Variants in ABCA3 observed in about 807,000 individuals in gnomAD.
ABCA3 encodes phospholipid-transporting ATPase ABCA3.
Under a neutral mutation model 172.8 loss-of-function variants are expected in ABCA3, and 88 were observed. The ratio of observed to expected loss-of-function variants is 0.51; its 90% CI spans 0.43 to 0.61. The LOEUF is 0.61. Ranked by LOEUF, ABCA3 falls within the 20% of genes least tolerant of loss-of-function variation. ABCA3 has a pLI of 0.00. For synonymous variants in ABCA3, 1,066 were observed against 983.8 expected, an observed-to-expected ratio of 1.08 and a Z score of -1.56; for missense variants, 2,164 against 2,301.0, an observed-to-expected ratio of 0.94 and a Z score of 1.22.
chr16:2,293,350 G>A (rs2093674968), intron 18 of ABCA3, among the ~76,000 whole-genome samples: 2 of 149,016 alleles, frequency 1.3e-5, no homozygotes, highest in African/African-American at 4.9e-5. Flanking sequence ...CCAAGCTACC[G>A]TGCCTGGCCA....
Position 2,285,547 on chromosome 16 carries a change from C to T in ABCA3, c.3378G>A (p.Gln1126=). ...SILAVSERAV[Q]AKHVQFVSGV... is the part of the protein sequence containing the mutation. ...CACTCACAAACTGCACATGCTTGGCCTGCACGGCCCTCTCGCTGACCGCCA... is the reference window on the plus strand; with the variant it reads ...CACTCACAAACTGCACATGCTTGGCTTGCACGGCCCTCTCGCTGACCGCCA... The change falls in exon 23 of 33, where the codon CAG becomes CAA. Residue 1126 remains glutamine, a synonymous_variant. Transcript: ENST00000301732. The surrounding 1 kb of genome is among the most constrained non-coding windows in gnomAD (Gnocchi z 4.7). 6.3e-7 allele frequency: 1 copy of T among 1,594,924 alleles called. No individual in the cohort carries two copies. The highest frequency in any genetic ancestry group is 8.5e-7 in the Non-Finnish European group (1 of 1,170,488).
rs1263802134 is a variant in ABCA3, at chr16:2,285,039, G to A, written c.3484-41C>T. 2.5e-6 allele frequency: 4 copies of A among 1,597,964 alleles called. No individual in the cohort carries two copies. In the Admixed American group the frequency reaches 5.2e-5, roughly 21 times the overall value. On this transcript the variant is annotated intron_variant, in intron 23 of 32. Coordinates refer to ENST00000301732, the MANE Select transcript of ABCA3 (RefSeq NM_001089.3). This position sits in a 1 kb window ranked among gnomAD's most constrained non-coding sequence, Gnocchi z 4.7. ...GAGGCGCTGCTGTGCATGCCAAGCT[G>A]AGAGGAGCTCACGGGTAGGGAAGGG...
intron 14 of ABCA3, 96 bp from the exon 15 acceptor site, chr16:2,298,636 T>G (rs2093683998): frequency 6.7e-6 from 10 of 1,481,672 alleles, no homozygotes; most frequent in Non-Finnish European, 9.2e-6. Context: ...CTCCCCTAAT[T>G]TCCTCTGAGG....
chr16:2,327,865 C>A (rs957483970), intron 3 of ABCA3, among the ~76,000 whole-genome samples: 2 of 152,126 alleles, frequency 1.3e-5, no homozygotes, highest in East Asian at 1.9e-4. Context: ...GGATTACAGG[C>A]GCCTGCCACC....
chr16:2,308,546 T>G lies in ABCA3; in HGVS notation c.1189A>C (p.Asn397His). The change falls in exon 11 of 33, where the codon AAC becomes CAC. Residue 397 changes from asparagine (N) to histidine (H), a missense_variant. Physicochemically the swap from Asn to His is moderately conservative, Grantham distance 68. Transcript: ENST00000301732. ...AGCTTCTGGCTCAGAGTCATCCAGT[T>G]GTACCGAGGGGCCACGAAGAAGTAG... ...IPYFFVAPRYNWMTLSQKLCS... is the reference protein window; with the variant it reads ...IPYFFVAPRYHWMTLSQKLCS... The G allele has an allele frequency of 6.2e-7, 1 of 1,614,142 alleles. No homozygotes were observed. Among genetic ancestry groups the G allele is most frequent in the Non-Finnish European group, 8.5e-7 (1 of 1,180,002 alleles).
At chr16:2,316,885 G>C (rs1398719419) in intron 10 of ABCA3, among the ~76,000 whole-genome samples, 3 of 152,314 alleles carry the variant, frequency 2.0e-5, no homozygotes, top group Admixed American at 2.0e-4. Context: ...AGGCACTACA[G>C]AAGGCCAACA....
At position 2,286,777 on chromosome 16, in the gene ABCA3, C is replaced by T. The variant is rs140502726; in HGVS notation, c.3195G>A (p.Leu1065=). ...AVVDNLLFKL[L]CGPHASIVVS... is the part of the protein sequence containing the mutation. Reference sequence around the variant, plus strand: ...CCACAATGGAGGCGTGAGGCCCGCACAGCAGCTTGAACAGAAGGTTGTCCA... The same window carrying T: ...CCACAATGGAGGCGTGAGGCCCGCATAGCAGCTTGAACAGAAGGTTGTCCA... Residue 1065 remains leucine, a synonymous_variant, in exon 22 of 33, where the codon CTG becomes CTA. Transcript: ENST00000301732. This position sits in a 1 kb window ranked among gnomAD's most constrained non-coding sequence, Gnocchi z 5.2. The T allele has an allele frequency of 1.2e-4, 191 of 1,614,124 alleles. 1 individual carries two copies. In the African/African-American group the frequency reaches 2.0e-3, roughly 17 times the overall value.
Position 2,326,075 on chromosome 16 carries a change from G to C in ABCA3, c.254C>G (p.Ser85Cys), listed in dbSNP as rs1327300434. ...GDTWELAYIP[S>C]HSDAAKTVTE... ...GACGGTCTTGGCAGCGTCACTGTGAGAAGGGATGTAGGCAAGCTCCCAGGT... is the reference window on the plus strand; with the variant it reads ...GACGGTCTTGGCAGCGTCACTGTGACAAGGGATGTAGGCAAGCTCCCAGGT... Residue 85 changes from serine (S) to cysteine (C), a missense_variant, in exon 5 of 33, where the codon TCT becomes TGT. This residue lies in a region of ABCA3 where 1,343 missense variants were observed against 1,369.6 expected (regional missense o/e 0.98). Transcript: ENST00000301732. 2 of 1,614,136 alleles carry C rather than the reference G, an allele frequency of 1.2e-6. No individual in the cohort carries two copies. Among genetic ancestry groups the C allele is most frequent in the Non-Finnish European group, 1.7e-6 (2 of 1,180,044 alleles).
In ABCA3 at chr16:2,317,657, G is replaced by A. The variant is rs2141730334; in HGVS notation, c.981C>T (p.Phe327=). Residue 327 remains phenylalanine, a synonymous_variant, in exon 9 of 33, where the codon TTC becomes TTT. Coordinates refer to ENST00000301732, the MANE Select transcript of ABCA3 (RefSeq NM_001089.3). ...LIAASFMTLL[F]CVKVKPNVAV... ...CCGACGCCATGCTCACCTTGACACA[G>A]AAGAGCAGGGTCATGAAGGAGGCGG... The A allele has an allele frequency of 6.2e-7, 1 of 1,614,222 alleles. No homozygotes were observed. The highest frequency in any genetic ancestry group is 8.5e-7 in the Non-Finnish European group (1 of 1,180,020).
intron 1 of ABCA3, 89 bp downstream of exon 1, chr16:2,340,467 GGGCCCGAGGCCCGAGCT>G (rs2093759144): frequency 6.6e-6 from 1 of 150,628 alleles, no homozygotes; most frequent in African/African-American, 2.4e-5. Context: ...GAGCTGGGGG[GGGCCCGAGGCCCGAGCT>G]GGCCGGCGAG....
chr16:2,325,837 A>G (rs2093733285), intron 5 of ABCA3, among the ~76,000 whole-genome samples, 173 bp downstream of exon 5: 1 of 152,142 alleles, frequency 6.6e-6, no homozygotes, highest in African/African-American at 2.4e-5. Flanking sequence ...AGGTTTAAGG[A>G]ACAGCAGTGC....
In ABCA3 at chr16:2,308,617, A is replaced by G; in HGVS notation, c.1118T>C (p.Met373Thr). Residue 373 changes from methionine (M) to threonine (T), a missense_variant, in exon 11 of 33, where the codon ATG (methionine) becomes ACG (threonine). This residue lies in a region of ABCA3 where 1,343 missense variants were observed against 1,369.6 expected (regional missense o/e 0.98). Transcript: ENST00000301732. ...GAGGAAGCCTCCGAAGGCTGCTGCC[A>G]TGTTGGCTGCAGGTGTTGGAAGACC... The part of the protein sequence containing the change: ...MVSTFFSKAN[M>T]AAAFGGFLYF... 3 of 1,614,020 alleles carry G rather than the reference A, an allele frequency of 1.9e-6. No homozygotes were observed. Among genetic ancestry groups the G allele is most frequent in the Non-Finnish European group, 2.5e-6 (3 of 1,179,946 alleles).
At chr16:2,303,848 C>T (rs2141715233) in intron 12 of ABCA3, 121 bp downstream of exon 12, 2 of 1,147,824 alleles carry the variant, frequency 1.7e-6, no homozygotes, top group Non-Finnish European at 2.6e-6. Flanking sequence ...GGGCAGGGTT[C>T]TGTGTGCCAG....
intron 8 of ABCA3, among the ~76,000 whole-genome samples, chr16:2,319,363 T>C (rs889449593): frequency 2.0e-5 from 3 of 151,820 alleles, no homozygotes; most frequent in South Asian, 2.1e-4. Context: ...CAGGCACCTA[T>C]AGTCCCAACT....
intron 10 of ABCA3, among the ~76,000 whole-genome samples, chr16:2,315,841 T>TG (rs1167065498): frequency 9.6e-6 from 1 of 103,984 alleles, no homozygotes; most frequent in Non-Finnish European, 1.9e-5. Flanking sequence ...TTTTTAAACT[T>TG]TTTTTTTTTT....
intron 10 of ABCA3, among the ~76,000 whole-genome samples, chr16:2,315,115 C>T (rs1045471049): frequency 6.6e-6 from 1 of 150,976 alleles, no homozygotes; most frequent in Non-Finnish European, 1.5e-5. Context: ...AATCTCCTGA[C>T]CTCATGATCC....
intron 10 of ABCA3, among the ~76,000 whole-genome samples, chr16:2,313,045 AC>A (rs200316742): frequency 0.017 from 2,542 of 152,104 alleles, 35 homozygotes; most frequent in Non-Finnish European, 0.027. Context: ...ACAGAACGAG[AC>A]CATGTCTCAA....
At chr16:2,296,148 G>A (rs1037246391) in intron 17 of ABCA3, among the ~76,000 whole-genome samples, 2 of 152,170 alleles carry the variant, frequency 1.3e-5, no homozygotes, top group African/African-American at 2.4e-5. Context: ...AAGAGCTACC[G>A]GCTGCAAGAC....
rs778378721 is a variant in ABCA3 at position 2,281,150 on chromosome 16, G to A, written c.4236C>T (p.Phe1412=). Residue 1412 remains phenylalanine, a synonymous_variant, in exon 28 of 33, where the codon TTC becomes TTT. Transcript: ENST00000301732. The surrounding 1 kb of genome is among the most constrained non-coding windows in gnomAD (Gnocchi z 4.7). The part of the protein sequence containing the change: ...LSLAVQKGEC[F]GLLGFNGAGK... ...CGGCTCCATTGAAGCCCAGCAGGCC[G>A]AAGCACTCCCCTTTCTGCACCGCGA... 9.9e-6 allele frequency: 16 copies of A among 1,613,748 alleles called. No homozygotes were observed. Among genetic ancestry groups the A allele is most frequent in the Admixed American group, 3.3e-5 (2 of 60,006 alleles).
Sources: allele counts gnomAD v4.1 joint callset (sites outside exome capture counted in the v4.1 genomes callset), GRCh38; gene constraint gnomAD v4.1.1; regional missense constraint gnomAD v4.1.1; non-coding constraint Gnocchi (gnomAD v3.1); transcripts MANE v1.5; gene names NCBI Gene and HGNC (gene_info 2026-07-23, HGNC 2026-07-21).